The following RNF169 variants were observed in gnomAD, a reference collection of about 807,000 sequenced individuals.
The protein encoded by RNF169 is E3 ubiquitin-protein ligase RNF169.
In RNF169, 24 loss-of-function variants were observed where a neutral mutation model predicts 53.9. The observed-to-expected ratio is 0.45, with a 90% CI of 0.32 to 0.63. The LOEUF is 0.63. RNF169 is among the 20% of genes least tolerant of loss of function. The pLI is 0.04. For missense variants in RNF169, 883 were observed against 906.2 expected (o/e 0.97, Z 0.33); for synonymous variants, 396 against 363.5 (o/e 1.09, Z -1.02).
At chr11:74,756,085 C>A (rs1296012566) in intron 1 of RNF169, among the ~76,000 whole-genome samples, 1 of 152,142 alleles carries the variant, frequency 6.6e-6, no homozygotes, top group Admixed American at 6.6e-5. Flanking sequence ...TGGACTAAAG[C>A]ATTGGCTGTG....
chr11:74,834,660 A>C lies in RNF169; in HGVS notation c.843-16A>C. 1 of 1,594,114 alleles carries C rather than the reference A, an allele frequency of 6.3e-7. No homozygotes were observed. Among genetic ancestry groups the C allele is most frequent in the South Asian group, 1.1e-5 (1 of 88,748 alleles). On this transcript the variant is annotated splice_polypyrimidine_tract_variant and intron_variant, in intron 4 of 5. Transcript: ENST00000299563. The stretch of plus-strand genomic sequence containing the variant: ...GACTAATTTTGACTACTCGTTTTTT[A>C]TTTATTCTTTTTTAGGAAGCTAAAC...
At position 74,835,673 on chromosome 11, in the gene RNF169, T is replaced by G; in HGVS notation, c.1070T>G (p.Leu357Trp). Reference sequence around the variant, plus strand: ...CTACCCTTCAGCTCCCTTTCATCCTTGGCTTCCCTGCATAAGCCAGAGCGT... The same window carrying G: ...CTACCCTTCAGCTCCCTTTCATCCTGGGCTTCCCTGCATAAGCCAGAGCGT... Reference protein sequence around the residue: ...KRLPFSSLSSLASLHKPERSV... With the variant: ...KRLPFSSLSSWASLHKPERSV... Residue 357 changes from leucine to tryptophan, a missense_variant, in exon 6 of 6, where the codon TTG becomes TGG. This residue lies in a region of RNF169 where 219 missense variants were observed against 289.1 expected (regional missense o/e 0.76). Coordinates refer to ENST00000299563, the MANE Select transcript of RNF169 (RefSeq NM_001098638.2). 6.2e-7 allele frequency: 1 copy of G among 1,614,184 alleles called. No homozygotes were observed. The highest frequency in any genetic ancestry group is 8.5e-7 in the Non-Finnish European group (1 of 1,180,034).
chr11:74,784,196 G>A (rs2135070567), intron 1 of RNF169, among the ~76,000 whole-genome samples: 1 of 152,308 alleles, frequency 6.6e-6, no homozygotes, highest in Non-Finnish European at 1.5e-5. Context: ...AACATATTGA[G>A]TAGGAAATAA....
In RNF169 at chr11:74,748,940, T is replaced by TCGGCGGGGC. The variant is rs760743694; in HGVS notation, c.72_80dup (p.Arg25_Arg27dup). 148 of 1,470,916 alleles carry TCGGCGGGGC rather than the reference T, an allele frequency of 1.0e-4. No individual in the cohort carries two copies. Among genetic ancestry groups the TCGGCGGGGC allele is most frequent in the East Asian group, 8.1e-4 (28 of 34,756 alleles). The allele number at this position is 1,470,916 out of a possible 1,614,324, so 91.1% of individuals were successfully genotyped here. ...CCGCGGCGGCAGCAGCCGCTCTGAGTCGGCGGGGCCGGCGGGGCCGCTGTG... is the reference window on the plus strand; with the variant it reads ...CCGCGGCGGCAGCAGCCGCTCTGAGTCGGCGGGGCCGGCGGGGCCGGCGGGGCCGCTGTG... On this transcript the variant is annotated inframe_insertion, in exon 1 of 6. Coordinates refer to ENST00000299563, the MANE Select transcript of RNF169 (RefSeq NM_001098638.2).
intron 1 of RNF169, among the ~76,000 whole-genome samples, chr11:74,779,230 A>G (rs971717389): frequency 3.9e-5 from 6 of 152,204 alleles, no homozygotes; most frequent in African/African-American, 1.4e-4. Flanking sequence ...ATAGCATTTC[A>G]TAAGTTCTTG....
rs2036280596 is a variant in RNF169, at chr11:74,837,862, T to G, written c.*1132T>G. 1 of 152,180 alleles carries G rather than the reference T, an allele frequency of 6.6e-6. No individual in the cohort carries two copies. Among genetic ancestry groups the G allele is most frequent in the African/African-American group, 2.4e-5 (1 of 41,444 alleles). The allele number at this position is 152,180 out of a possible 1,614,324, so 9.4% of individuals were successfully genotyped here. On this transcript the variant is annotated 3_prime_UTR_variant, in exon 6 of 6. Coordinates refer to ENST00000299563, the MANE Select transcript of RNF169 (RefSeq NM_001098638.2). ...CCTTAGCAGCTGACACCATGTGTCT[T>G]TTGCATCCCTGGTGGTGCTTGGTGC...
chr11:74,837,142 CA>C lies in RNF169; in HGVS notation c.*414del, dbSNP rs1360636780. On this transcript the variant is annotated 3_prime_UTR_variant, in exon 6 of 6. Transcript: ENST00000299563. ...ATTCCATCTTTTTCAGACAAGTGAACAATTTAGTTCCTTGGCAGATCCAAAA... is the reference window on the plus strand; with the variant it reads ...ATTCCATCTTTTTCAGACAAGTGAACATTTAGTTCCTTGGCAGATCCAAAA... 6.3e-6 allele frequency: 1 copy of C among 157,842 alleles called. No individual in the cohort carries two copies. Among genetic ancestry groups the C allele is most frequent in the African/African-American group, 2.4e-5 (1 of 41,558 alleles). 9.8% of individuals were successfully genotyped at this position (157,842 alleles called of 1,614,324 possible).
At chr11:74,780,975 C>A (rs1014328184) in intron 1 of RNF169, among the ~76,000 whole-genome samples, 1 of 152,176 alleles carries the variant, frequency 6.6e-6, no homozygotes, top group Non-Finnish European at 1.5e-5. Flanking sequence ...TAGCCTCTTG[C>A]CCTCTCCACC....
rs2036318107 is a variant in RNF169, at chr11:74,839,686, C to G, written c.*2956C>G. The G allele has an allele frequency of 6.6e-6, 1 of 152,046 alleles. No individual in the cohort carries two copies. Among genetic ancestry groups the G allele is most frequent in the Non-Finnish European group, 1.5e-5 (1 of 68,016 alleles). 9.4% of individuals were successfully genotyped at this position (152,046 alleles called of 1,614,324 possible). A position where few individuals can be genotyped will look rare whatever the true frequency, so the allele number is the denominator to read the frequency against. On this transcript the variant is annotated 3_prime_UTR_variant, in exon 6 of 6. Coordinates refer to ENST00000299563, the MANE Select transcript of RNF169 (RefSeq NM_001098638.2). ...GGTGAAGGTCAGTCTGAGGGGAAATCCAGGAAATGTGGTGCCCTTAGAAGG... is the reference window on the plus strand; with the variant it reads ...GGTGAAGGTCAGTCTGAGGGGAAATGCAGGAAATGTGGTGCCCTTAGAAGG...
chr11:74,795,590 T>C lies in RNF169; in HGVS notation c.576+5891T>C, dbSNP rs552629785. 3.3e-5 allele frequency among the ~76,000 whole-genome samples: 5 copies of C among 152,344 alleles called. No homozygotes were observed. In the East Asian group the frequency reaches 9.6e-4, roughly 29 times the overall value. Reference sequence around the variant, plus strand: ...GGGAAATGGTAAGAGGCTGGGCACATTGGCTCATGGCCATAATCCCAACAC... The same window carrying C: ...GGGAAATGGTAAGAGGCTGGGCACACTGGCTCATGGCCATAATCCCAACAC... On this transcript the variant is annotated intron_variant, in intron 2 of 5. Coordinates refer to ENST00000299563, the MANE Select transcript of RNF169 (RefSeq NM_001098638.2).
At chr11:74,835,231 C>G (rs929918637) in intron 5 of RNF169, among the ~76,000 whole-genome samples, 2 of 152,148 alleles carry the variant, frequency 1.3e-5, no homozygotes, top group African/African-American at 4.8e-5. Flanking sequence ...CTCAGCTTCC[C>G]AAAATGCTGG....
At chr11:74,821,876 G>A (rs11827626) in intron 4 of RNF169, among the ~76,000 whole-genome samples, 43,715 of 151,832 alleles carry the variant, frequency 0.29, 6,805 homozygotes, top group South Asian at 0.42. Flanking sequence ...CCATTACATC[G>A]TACACCTAAA....
At chr11:74,785,690 C>G (rs559185571) in intron 1 of RNF169, among the ~76,000 whole-genome samples, 4 of 152,110 alleles carry the variant, frequency 2.6e-5, no homozygotes, top group African/African-American at 9.6e-5. Context: ...AAACATTGTT[C>G]ATCTTAATCC....
chr11:74,752,717 T>C (rs1284155986), intron 1 of RNF169, among the ~76,000 whole-genome samples: 1 of 152,212 alleles, frequency 6.6e-6, no homozygotes, highest in Non-Finnish European at 1.5e-5. Context: ...ATACACACTG[T>C]TCTGTAACTT....
chr11:74,827,069 C>T (rs2036109240), intron 4 of RNF169, among the ~76,000 whole-genome samples: 2 of 152,226 alleles, frequency 1.3e-5, no homozygotes, highest in African/African-American at 4.8e-5. Flanking sequence ...CCACACTGCC[C>T]TAGCAGAGGT....
intron 2 of RNF169, among the ~76,000 whole-genome samples, chr11:74,793,369 C>G (rs1252905737): frequency 6.6e-6 from 1 of 152,132 alleles, no homozygotes. Context: ...CTCATTATTA[C>G]TAATTTGATG....
chr11:74,774,672 A>G (rs2035307432), intron 1 of RNF169, among the ~76,000 whole-genome samples: 1 of 151,904 alleles, frequency 6.6e-6, no homozygotes, highest in Non-Finnish European at 1.5e-5. Flanking sequence ...TGAGAAAGCA[A>G]GGCCGGGTGT....
rs201623884 is a variant in RNF169 at position 74,815,201 on chromosome 11, G to C, written c.724-2395G>C. ...TGGGAATAGAAATGTAGAGGGGTGGGAGAGCTTTTGTCTGAACAATTAGTT... is the reference window on the plus strand; with the variant it reads ...TGGGAATAGAAATGTAGAGGGGTGGCAGAGCTTTTGTCTGAACAATTAGTT... On this transcript the variant is annotated intron_variant, in intron 3 of 5. Coordinates refer to ENST00000299563, the MANE Select transcript of RNF169 (RefSeq NM_001098638.2). 1.9e-4 allele frequency among the ~76,000 whole-genome samples: 29 copies of C among 152,252 alleles called. No homozygotes were observed. In the East Asian group the frequency reaches 5.6e-3, roughly 29 times the overall value.
intron 2 of RNF169, among the ~76,000 whole-genome samples, chr11:74,808,672 A>G (rs868596223): frequency 2.0e-5 from 3 of 152,240 alleles, no homozygotes; most frequent in East Asian, 1.9e-4. Flanking sequence ...TCAGTAAATG[A>G]TAATTCCAAT....
Sources: allele counts gnomAD v4.1 joint callset (sites outside exome capture counted in the v4.1 genomes callset), GRCh38; gene constraint gnomAD v4.1.1; regional missense constraint gnomAD v4.1.1; transcripts MANE v1.5; gene names NCBI Gene and HGNC (gene_info 2026-07-23, HGNC 2026-07-21).